MYOF: variants seen among roughly 807,000 people sequenced by gnomAD.
MYOF encodes fer-1-like 3, myoferlin.
A neutral mutation model predicts 284.2 loss-of-function variants in MYOF; 244 were observed. The observed-to-expected ratio is 0.86, with a 90% confidence interval of 0.77 to 0.95. The LOEUF (loss-of-function observed/expected upper bound fraction) is 0.95, where lower values mean the gene tolerates loss of function less well. Among genes scored for constraint, MYOF ranks in the 40% least tolerant of loss-of-function variants. MYOF has a pLI of 0.00. For synonymous variants in MYOF, 904 were observed against 919.7 expected (o/e 0.98, Z 0.31); for missense variants, 2,496 against 2,560.6 (o/e 0.97, Z 0.54).
chr10:93,368,722 G>A (rs1845438681), intron 25 of MYOF, among the ~76,000 whole-genome samples: 1 of 152,198 alleles, frequency 6.6e-6, no homozygotes, highest in Non-Finnish European at 1.5e-5. Context: ...AGGGTCAAGG[G>A]TTGTCTTGCC....
intron 5 of MYOF, among the ~76,000 whole-genome samples, chr10:93,418,526 G>A (rs1848226986): frequency 6.6e-6 from 1 of 152,176 alleles, no homozygotes; most frequent in South Asian, 2.1e-4. Flanking sequence ...TAAGAAGCAG[G>A]GATGCAAATG....
intron 4 of MYOF, among the ~76,000 whole-genome samples, chr10:93,429,700 T>A (rs1589556281): frequency 1.3e-5 from 2 of 152,180 alleles, no homozygotes; most frequent in Non-Finnish European, 2.9e-5. Context: ...TTACAGGGAC[T>A]GCATCTTTTA....
At chr10:93,311,718 C>G (rs576750888) in intron 51 of MYOF, among the ~76,000 whole-genome samples, 2 of 152,120 alleles carry the variant, frequency 1.3e-5, no homozygotes, top group Non-Finnish European at 2.9e-5. Context: ...TTTGGGAAGC[C>G]CTGGCCCTGA....
At chr10:93,361,946 G>C (rs1845094800) in intron 27 of MYOF, among the ~76,000 whole-genome samples, 1 of 152,110 alleles carries the variant, frequency 6.6e-6, no homozygotes, top group Non-Finnish European at 1.5e-5. Context: ...CAAGACACAT[G>C]GTTGTTTGTT....
chr10:93,422,213 G>A (rs1848383984), intron 5 of MYOF, among the ~76,000 whole-genome samples: 1 of 152,180 alleles, frequency 6.6e-6, no homozygotes, highest in African/African-American at 2.4e-5. Flanking sequence ...CCAACACTTG[G>A]TGACCTTCTT....
intron 43 of MYOF, among the ~76,000 whole-genome samples, chr10:93,332,342 C>G (rs1216805697): frequency 6.6e-6 from 1 of 151,880 alleles, no homozygotes; most frequent in East Asian, 2.0e-4. Flanking sequence ...CCAGCCTCAG[C>G]CTCCTGAGTA....
intron 19 of MYOF, among the ~76,000 whole-genome samples, chr10:93,387,390 A>G (rs567919483): frequency 5.5e-4 from 84 of 152,336 alleles, no homozygotes; most frequent in African/African-American, 1.9e-3. Flanking sequence ...CCTGTCTTCA[A>G]GGAGGAAGCG....
intron 2 of MYOF, 40 bp downstream of exon 2, chr10:93,456,842 C>T (rs897206857): frequency 1.7e-5 from 24 of 1,446,990 alleles, no homozygotes; most frequent in Non-Finnish European, 2.1e-5. Context: ...TCAGAAATAG[C>T]TTATCTATTA....
intron 1 of MYOF, chr10:93,478,427 C>A (rs11187451): frequency 0.4 from 65,194 of 161,382 alleles, 15,111 homozygotes; most frequent in South Asian, 0.55. Flanking sequence ...CTTTCATAAT[C>A]TACACCTGCG....
intron 7 of MYOF, among the ~76,000 whole-genome samples, 197 bp from the exon 8 acceptor site, chr10:93,404,416 T>A (rs1431123033): frequency 6.6e-6 from 1 of 151,976 alleles, no homozygotes; most frequent in Non-Finnish European, 1.5e-5. Flanking sequence ...CTTCTTCATG[T>A]TGGAAAAAGG....
chr10:93,361,358 A>C (rs1403888348), intron 28 of MYOF, 94 bp downstream of exon 28: 2 of 1,235,746 alleles, frequency 1.6e-6, no homozygotes, highest in Non-Finnish European at 2.3e-6. Flanking sequence ...ATAGACCAAC[A>C]GAAGTGAGGC....
At position 93,310,124 on chromosome 10, in the gene MYOF, T is replaced by A; in HGVS notation, c.6043A>T (p.Thr2015Ser). The change falls in exon 53 of 54, where the codon ACC becomes TCC. Residue 2015 changes from threonine (T) to serine (S), a missense_variant. By Grantham distance (58) the Thr-to-Ser change is moderately conservative (BLOSUM62 1). Transcript: ENST00000359263. Reference protein sequence around the residue: ...SFLWFTNPCKTMKFIVWRRFK... With the variant: ...SFLWFTNPCKSMKFIVWRRFK... ...CGGCGCCACACGATGAACTTCATGG[T>A]CTTGCATGGGTTGGTGAACCAGAGG... is the stretch of plus-strand genomic sequence containing the variant. 6.2e-7 allele frequency: 1 copy of A among 1,614,140 alleles called. No individual in the cohort carries two copies.
In MYOF at chr10:93,343,912, G is replaced by T. The variant is rs1435018469; in HGVS notation, c.4270C>A (p.Pro1424Thr). 1 of 1,614,098 alleles carries T rather than the reference G, an allele frequency of 6.2e-7. No individual in the cohort carries two copies. Among genetic ancestry groups the T allele is most frequent in the Admixed American group, 1.7e-5 (1 of 60,008 alleles). The change falls in exon 38 of 54, where the codon CCA (proline) becomes ACA (threonine). Residue 1424 changes from proline to threonine, a missense_variant. Around this residue, in one of 3 missense-constraint regions of MYOF, gnomAD observed 2,436 missense variants for 2,480.7 expected, o/e 0.98. Coordinates refer to ENST00000359263, the MANE Select transcript of MYOF (RefSeq NM_013451.4). Reference sequence around the variant, plus strand: ...ATTTCGATAACGATGTCCCGGCATGGTGGGGCAGACAGAAGGGAGGCTGCA... The same window carrying T: ...ATTTCGATAACGATGTCCCGGCATGTTGGGGCAGACAGAAGGGAGGCTGCA... ...QLKASLLSAP[P>T]CRDIVIEMED...
chr10:93,409,342 G>A (rs2134125509), intron 6 of MYOF, among the ~76,000 whole-genome samples: 1 of 152,306 alleles, frequency 6.6e-6, no homozygotes, highest in Non-Finnish European at 1.5e-5. Flanking sequence ...CCAAAGGGAA[G>A]GAGAATTATA....
rs1554842557 is a variant in MYOF at position 93,347,571 on chromosome 10, A to AAAAAATAAAT, written c.4249+45_4249+46insATTTATTTTT. On this transcript the variant is annotated intron_variant, in intron 37 of 53. Transcript: ENST00000359263. ...GAGACTCCGTCTCAAAAAAAAAAAA[A>AAAAAATAAAT]AAAAAAAGAAAAGCCCCCAGACTTA... The AAAAAATAAAT allele has an allele frequency of 6.0e-5, 88 of 1,469,804 alleles. No individual in the cohort carries two copies. In the South Asian group the frequency reaches 1.2e-3, roughly 21 times the overall value. The allele number at this position is 1,469,804 out of a possible 1,614,324, so 91.0% of individuals were successfully genotyped here. A position where few individuals can be genotyped will look rare whatever the true frequency, so the allele number is the denominator to read the frequency against.
In MYOF at chr10:93,427,530, CAAA is replaced by C. The variant is rs11293315; in HGVS notation, c.346-1375_346-1373del. Among the ~76,000 whole-genome samples, 192 of 81,824 alleles carry C rather than the reference CAAA, an allele frequency of 2.3e-3. 2 individuals carry two copies. Among genetic ancestry groups the C allele is most frequent in the African/African-American group, 3.6e-3 (72 of 20,202 alleles). 53.7% of individuals were successfully genotyped at this position (81,824 alleles called of 152,430 possible). ...TGCGTGACAGAGCTAGACTCCGTCTCAAAAAAAAAAAAAAAAAAAAAAGTGACT... is the reference window on the plus strand; with the variant it reads ...TGCGTGACAGAGCTAGACTCCGTCTCAAAAAAAAAAAAAAAAAAAGTGACT... On this transcript the variant is annotated intron_variant, in intron 4 of 53. Coordinates refer to ENST00000359263, the MANE Select transcript of MYOF (RefSeq NM_013451.4).
chr10:93,393,381 G>A (rs1463051888), intron 16 of MYOF, among the ~76,000 whole-genome samples: 1 of 152,194 alleles, frequency 6.6e-6, no homozygotes, highest in East Asian at 1.9e-4. Context: ...CACATTATTT[G>A]ATTGAAAGCA....
At chr10:93,458,467 G>A (rs1447933142) in intron 1 of MYOF, among the ~76,000 whole-genome samples, 1 of 152,174 alleles carries the variant, frequency 6.6e-6, no homozygotes, top group African/African-American at 2.4e-5. Context: ...TGGGTGCGGT[G>A]GCTGACACCT....
chr10:93,335,377 T>C (rs1843547874), intron 41 of MYOF, among the ~76,000 whole-genome samples: 1 of 152,118 alleles, frequency 6.6e-6, no homozygotes, highest in African/African-American at 2.4e-5. Flanking sequence ...GCGACTTGAC[T>C]GTGAAAACCC....
Sources: allele counts gnomAD v4.1 joint callset (sites outside exome capture counted in the v4.1 genomes callset), GRCh38; gene constraint gnomAD v4.1.1; regional missense constraint gnomAD v4.1.1; transcripts MANE v1.5; gene names NCBI Gene and HGNC (gene_info 2026-07-23, HGNC 2026-07-21).